PRKG1: variants seen among roughly 807,000 people sequenced by gnomAD.
The protein encoded by PRKG1 is cGMP-dependent protein kinase 1.
In PRKG1, 35 loss-of-function variants were observed where a neutral mutation model predicts 88.1. That is an observed-to-expected ratio of 0.40 (90% confidence interval 0.30 to 0.53). The LOEUF (loss-of-function observed/expected upper bound fraction) is 0.53, where lower values mean the gene tolerates loss of function less well. Among genes scored for constraint, PRKG1 ranks in the 20% least tolerant of loss-of-function variants. The pLI, the probability that PRKG1 is intolerant of heterozygous loss-of-function variation, is 0.59. For synonymous variants in PRKG1, 303 were observed against 292.5 expected, an observed-to-expected ratio of 1.04 and a Z score of -0.37; for missense variants, 540 against 839.8, an observed-to-expected ratio of 0.64 and a Z score of 4.41.
chr10:51,639,183 T>G (rs946985255), intron 3 of PRKG1, among the ~76,000 whole-genome samples: 9 of 151,668 alleles, frequency 5.9e-5, no homozygotes, highest in Non-Finnish European at 1.5e-5. Context: ...ACCTGTAATC[T>G]CAGCACTTTG....
intron 4 of PRKG1, among the ~76,000 whole-genome samples, chr10:51,853,714 T>G (rs775974520): frequency 6.6e-6 from 1 of 152,188 alleles, no homozygotes; most frequent in Admixed American, 6.5e-5. Flanking sequence ...ATCTGTGCTC[T>G]GCAGGCAGGC....
intron 2 of PRKG1, among the ~76,000 whole-genome samples, chr10:51,382,673 C>T (rs1424985157): frequency 1.3e-5 from 2 of 152,158 alleles, no homozygotes; most frequent in Non-Finnish European, 2.9e-5. Flanking sequence ...TTTAAAGTGC[C>T]TTGAACAGTA....
At chr10:51,402,315 T>A (rs564622722) in intron 2 of PRKG1, among the ~76,000 whole-genome samples, 11 of 152,206 alleles carry the variant, frequency 7.2e-5, no homozygotes, top group Non-Finnish European at 1.2e-4. Context: ...TTCTCCATGA[T>A]GAAAATCCCA....
At chr10:51,939,833 G>A (rs1393656144) in intron 5 of PRKG1, among the ~76,000 whole-genome samples, 2 of 151,468 alleles carry the variant, frequency 1.3e-5, no homozygotes, top group African/African-American at 4.9e-5. Context: ...CTACTAAAAT[G>A]TGGTTTGCTA....
At chr10:51,344,523 T>C (rs1478593131) in intron 2 of PRKG1, among the ~76,000 whole-genome samples, 1 of 152,170 alleles carries the variant, frequency 6.6e-6, no homozygotes, top group African/African-American at 2.4e-5. Context: ...CCTCCTCAAC[T>C]CTCAATTTCT....
chr10:52,017,151 A>G (rs993876304), intron 5 of PRKG1, among the ~76,000 whole-genome samples: 3 of 152,236 alleles, frequency 2.0e-5, no homozygotes, highest in African/African-American at 4.8e-5. Flanking sequence ...AGAGAGATAC[A>G]AATTTTGAAG....
intron 1 of PRKG1, among the ~76,000 whole-genome samples, chr10:51,136,713 T>G (rs1422354741): frequency 6.6e-6 from 1 of 152,088 alleles, no homozygotes; most frequent in Non-Finnish European, 1.5e-5. Flanking sequence ...CTTTGATTTC[T>G]TCTGAAGTTA....
At chr10:51,323,208 A>C (rs1241018531) in intron 2 of PRKG1, among the ~76,000 whole-genome samples, 1 of 152,216 alleles carries the variant, frequency 6.6e-6, no homozygotes, top group Non-Finnish European at 1.5e-5. Context: ...TTGCTACGAT[A>C]TGATATATTT....
At chr10:51,170,632 G>C (rs1846679268) in intron 2 of PRKG1, among the ~76,000 whole-genome samples, 1 of 151,806 alleles carries the variant, frequency 6.6e-6, no homozygotes, top group African/African-American at 2.4e-5. Context: ...AGATAGTGCT[G>C]ATATTTGGGG....
chr10:51,979,410 G>GTTTTTTTTGTTT (rs1843937315), intron 5 of PRKG1, among the ~76,000 whole-genome samples: 2 of 47,056 alleles, frequency 4.3e-5, no homozygotes, highest in Non-Finnish European at 7.1e-5. Context: ...ATATTGGTCT[G>GTTTTTTTTGTTT]TTTTTTTTTT....
At chr10:52,048,937 G>A (rs1241750964) in intron 5 of PRKG1, among the ~76,000 whole-genome samples, 1 of 152,086 alleles carries the variant, frequency 6.6e-6, no homozygotes, top group Non-Finnish European at 1.5e-5. Flanking sequence ...GTTAGGCACT[G>A]TTCAAACTGA....
chr10:51,514,911 G>C (rs1022095703), intron 3 of PRKG1, among the ~76,000 whole-genome samples: 2 of 152,078 alleles, frequency 1.3e-5, no homozygotes, highest in African/African-American at 4.8e-5. Context: ...GAACATTTTG[G>C]GCCAGATAAT....
At chr10:51,286,770 A>G (rs978400356) in intron 2 of PRKG1, among the ~76,000 whole-genome samples, 4 of 152,258 alleles carry the variant, frequency 2.6e-5, no homozygotes, top group African/African-American at 9.6e-5. Flanking sequence ...ACAGTGGTAT[A>G]GAACACTAGA....
intron 5 of PRKG1, among the ~76,000 whole-genome samples, chr10:51,961,518 G>C (rs1203011044): frequency 6.6e-6 from 1 of 152,166 alleles, no homozygotes; most frequent in Non-Finnish European, 1.5e-5. Context: ...TCAGCAATTG[G>C]TGCTCAAGTG....
intron 1 of PRKG1, among the ~76,000 whole-genome samples, chr10:51,024,481 A>G (rs938501743): frequency 1.8e-4 from 28 of 152,202 alleles, no homozygotes; most frequent in Non-Finnish European, 5.9e-5. Context: ...GATGTTTATA[A>G]TAACCTATGG....
chr10:52,247,936 C>G (rs1382062622), intron 9 of PRKG1, among the ~76,000 whole-genome samples: 1 of 152,140 alleles, frequency 6.6e-6, no homozygotes, highest in Non-Finnish European at 1.5e-5. Context: ...GATTTACCCA[C>G]ATATTTATTA....
chr10:52,025,090 G>T (rs529539878), intron 5 of PRKG1, among the ~76,000 whole-genome samples: 2 of 152,154 alleles, frequency 1.3e-5, no homozygotes, highest in East Asian at 3.8e-4. Flanking sequence ...GTGATGATGA[G>T]CATTTTTTCA....
At chr10:51,914,314 G>A (rs115604554) in intron 5 of PRKG1, among the ~76,000 whole-genome samples, 8,297 of 151,782 alleles carry the variant, frequency 0.055, 273 homozygotes, top group Middle Eastern at 0.11. Context: ...GAGAAAAGTA[G>A]CAAAGATTAA....
At chr10:51,402,381 C>A (rs1450823319) in intron 2 of PRKG1, among the ~76,000 whole-genome samples, 1 of 152,166 alleles carries the variant, frequency 6.6e-6, no homozygotes, top group Non-Finnish European at 1.5e-5. Context: ...ACATTCAATT[C>A]CTCACATGTC....
Sources: allele counts gnomAD v4.1 joint callset (sites outside exome capture counted in the v4.1 genomes callset), GRCh38; gene constraint gnomAD v4.1.1; transcripts MANE v1.5; gene names NCBI Gene and HGNC (gene_info 2026-07-23, HGNC 2026-07-21).